Variants in TSHR observed in about 807,000 individuals in gnomAD.
TSHR encodes thyrotropin receptor.
A neutral mutation model predicts 64.1 loss-of-function variants in TSHR; 51 were observed. The ratio of observed to expected loss-of-function variants is 0.80; its 90% CI spans 0.64 to 1.01. The LOEUF is 1.01. TSHR is among the 50% of genes least tolerant of loss of function. The pLI is 0.00. For missense variants in TSHR, 877 were observed against 942.8 expected, an observed-to-expected ratio of 0.93 and a Z score of 0.91; for synonymous variants, 361 against 361.9, an observed-to-expected ratio of 1.00 and a Z score of 0.03.
rs190548477 is a variant in TSHR, at chr14:81,128,726, C to A, written c.693-10953C>A. 1.5e-3 allele frequency among the ~76,000 whole-genome samples: 224 copies of A among 152,242 alleles called. 6 individuals carry two copies. In the Middle Eastern group the frequency reaches 0.027, roughly 18 times the overall value. On this transcript the variant is annotated intron_variant, in intron 8 of 9. Transcript: ENST00000298171. ...GGTTGGGCACTAGTTGTTTTCTCTG[C>A]CAGAGAGCCCTCTCCCCAGATATCC...
intron 1 of TSHR, among the ~76,000 whole-genome samples, chr14:81,059,886 A>G (rs1886107736): frequency 1.3e-5 from 2 of 152,132 alleles, no homozygotes; most frequent in Admixed American, 1.3e-4. Flanking sequence ...TTTGTTCAGA[A>G]CTGTATGTGT....
Position 81,096,720 on chromosome 14 carries a change from T to G in TSHR, c.614+13T>G, listed in dbSNP as rs1252020603. ...AGCTGGATGCTGTGTAAGTCAAGGG[T>G]AGCCATGAAAACTGTCACTTTCCCT... On this transcript the variant is annotated intron_variant, in intron 7 of 9. Transcript: ENST00000298171. 6.2e-7 allele frequency: 1 copy of G among 1,612,822 alleles called. No homozygotes were observed. Among genetic ancestry groups the G allele is most frequent in the East Asian group, 2.2e-5 (1 of 44,834 alleles).
chr14:80,963,624 A>G (rs1887152535), intron 1 of TSHR, among the ~76,000 whole-genome samples: 1 of 152,248 alleles, frequency 6.6e-6, no homozygotes, highest in African/African-American at 2.4e-5. Context: ...ATCGAATGGT[A>G]ATAAACTGTG....
intron 2 of TSHR, among the ~76,000 whole-genome samples, chr14:81,066,357 G>A (rs186767709): frequency 2.0e-5 from 3 of 152,122 alleles, no homozygotes; most frequent in Admixed American, 6.6e-5. Flanking sequence ...GTCTCTACAC[G>A]GTAAATTAAT....
chr14:80,989,893 C>T (rs9323696), intron 1 of TSHR, among the ~76,000 whole-genome samples: 8,450 of 152,194 alleles, frequency 0.056, 758 homozygotes, highest in African/African-American at 0.19. Context: ...CAGCGACCAA[C>T]GGAGCCAGAC....
chr14:81,139,879 G>A lies in TSHR; in HGVS notation c.881+12G>A. 6.2e-7 allele frequency: 1 copy of A among 1,614,098 alleles called. No homozygotes were observed. Among genetic ancestry groups the A allele is most frequent in the Non-Finnish European group, 8.5e-7 (1 of 1,179,994 alleles). ...AAGAAAATCAGAGGGTAAGTGGCAG[G>A]GACCCGGCATAAGTGACAAAAGACC... is the stretch of plus-strand genomic sequence containing the variant. On this transcript the variant is annotated intron_variant, in intron 9 of 9. Transcript: ENST00000298171.
At chr14:81,022,529 T>C (rs1024886198) in intron 1 of TSHR, among the ~76,000 whole-genome samples, 12 of 151,782 alleles carry the variant, frequency 7.9e-5, no homozygotes, top group Non-Finnish European at 1.2e-4. Context: ...TATTAAGATG[T>C]GGGGTGTTTG....
intron 1 of TSHR, among the ~76,000 whole-genome samples, chr14:81,023,649 A>G (rs1460235871): frequency 6.6e-6 from 1 of 152,220 alleles, no homozygotes; most frequent in East Asian, 1.9e-4. Context: ...GACTTGAGGG[A>G]CAAAGCATAA....
At chr14:81,030,951 G>A (rs368594636) in intron 1 of TSHR, among the ~76,000 whole-genome samples, 15 of 152,082 alleles carry the variant, frequency 9.9e-5, no homozygotes, top group African/African-American at 3.6e-4. Flanking sequence ...ATGTTTTAAT[G>A]CCTTTTACAT....
intron 1 of TSHR, chr14:81,014,258 T>G (rs1890064533): frequency 6.6e-6 from 1 of 152,104 alleles, no homozygotes. Context: ...GTTTGTCCCC[T>G]CAGAAACGAG....
intron 1 of TSHR, among the ~76,000 whole-genome samples, chr14:81,037,236 A>C (rs1884672792): frequency 6.6e-6 from 1 of 152,014 alleles, no homozygotes; most frequent in Non-Finnish European, 1.5e-5. Context: ...GTTATTATCA[A>C]CTTAAATTGC....
chr14:81,073,974 T>C (rs1887305886), intron 3 of TSHR, among the ~76,000 whole-genome samples: 1 of 152,104 alleles, frequency 6.6e-6, no homozygotes, highest in Non-Finnish European at 1.5e-5. Context: ...TGTAGTGAAG[T>C]CCTATATAAA....
At chr14:81,097,233 T>C (rs943602748) in intron 7 of TSHR, among the ~76,000 whole-genome samples, 13 of 152,228 alleles carry the variant, frequency 8.5e-5, no homozygotes, top group African/African-American at 3.1e-4. Flanking sequence ...AAATGATATA[T>C]TTTTTCTATT....
chr14:80,997,976 T>G (rs1889112008), intron 1 of TSHR, among the ~76,000 whole-genome samples: 2 of 152,332 alleles, frequency 1.3e-5, no homozygotes, highest in South Asian at 4.1e-4. Context: ...GGGAAGCTCA[T>G]TCTCTCATTT....
chr14:81,076,087 T>C (rs1356021869), intron 3 of TSHR, among the ~76,000 whole-genome samples: 1 of 152,162 alleles, frequency 6.6e-6, no homozygotes, highest in Non-Finnish European at 1.5e-5. Flanking sequence ...TAGGTGGGAA[T>C]TGAACAAGGA....
At chr14:80,962,751 C>T (rs1887098943) in intron 1 of TSHR, among the ~76,000 whole-genome samples, 1 of 152,192 alleles carries the variant, frequency 6.6e-6, no homozygotes, top group African/African-American at 2.4e-5. Context: ...CTAGCTTCTT[C>T]CCTAGTCAGG....
chr14:81,103,271 C>T lies in TSHR; in HGVS notation c.615-5104C>T, dbSNP rs760692772. On this transcript the variant is annotated intron_variant, in intron 7 of 9. Transcript: ENST00000298171. This position sits in a 1 kb window ranked among gnomAD's most constrained non-coding sequence, Gnocchi z 4.1. ...TTAAGATTTTAAACTAAGGCAAACA[C>T]ATCAATCTCCTGTAATTATCTTAAT... The T allele has an allele frequency of 8.1e-6, 8 of 985,436 alleles. No individual in the cohort carries two copies. Among genetic ancestry groups the T allele is most frequent in the Non-Finnish European group, 9.6e-6 (8 of 829,932 alleles). 61.0% of individuals were successfully genotyped at this position (985,436 alleles called of 1,614,324 possible). A position where few individuals can be genotyped will look rare whatever the true frequency, so the allele number is the denominator to read the frequency against.
At chr14:81,102,952 C>T (rs748679655) in intron 7 of TSHR, 11 of 985,146 alleles carry the variant, frequency 1.1e-5, no homozygotes, top group Non-Finnish European at 1.3e-5. Context: ...ATTTTGAATC[C>T]AAGCTGGAAA....
chr14:81,019,125 C>A (rs758429938), intron 1 of TSHR, among the ~76,000 whole-genome samples: 1 of 152,050 alleles, frequency 6.6e-6, no homozygotes, highest in Non-Finnish European at 1.5e-5. Context: ...CATGAATAGG[C>A]CCCCTTCAAA....
Sources: gnomAD v4.1 joint callset for allele counts (sites outside exome capture counted in the v4.1 genomes callset) on GRCh38, gnomAD v4.1.1 for gene constraint, Gnocchi (gnomAD v3.1) non-coding constraint, MANE v1.5 for transcripts, NCBI Gene and HGNC (gene_info 2026-07-23, HGNC 2026-07-21) for gene names.